Variants in PGAP4 observed in about 807,000 individuals in gnomAD.
PGAP4 encodes the protein post-GPI attachment to proteins GalNAc transferase 4, also known as GPI-N-acetylgalactosamine transferase PGAP4.
A neutral mutation model predicts 28.2 loss-of-function variants in PGAP4; 12 were observed. That is an observed-to-expected ratio of 0.42 (90% CI 0.27 to 0.69). The LOEUF (loss-of-function observed/expected upper bound fraction) is 0.69, where lower values mean the gene tolerates loss of function less well. Among genes scored for constraint, PGAP4 ranks in the 30% least tolerant of loss-of-function variants. PGAP4 has a pLI of 0.22. For synonymous variants in PGAP4, 205 were observed against 211.8 expected (o/e 0.97, Z 0.28); for missense variants, 425 against 513.5 (o/e 0.83, Z 1.67).
intron 2 of PGAP4, among the ~76,000 whole-genome samples, chr9:101,508,509 A>G (rs1826868573): frequency 6.6e-6 from 1 of 152,134 alleles, no homozygotes; most frequent in Non-Finnish European, 1.5e-5. Flanking sequence ...GCTATCAGGG[A>G]GATGCTCTAC....
At position 101,486,652 on chromosome 9, in the gene PGAP4, A is replaced by G. The variant is rs1176180303; in HGVS notation, c.-78+297T>C. 6.6e-5 allele frequency among the ~76,000 whole-genome samples: 10 copies of G among 151,954 alleles called. No homozygotes were observed. Among genetic ancestry groups the G allele is most frequent in the Non-Finnish European group, 1.2e-4 (8 of 67,962 alleles). On this transcript the variant is annotated intron_variant, in intron 1 of 1. Transcript: ENST00000374848. The surrounding 1 kb of genome is among the most constrained non-coding windows in gnomAD (Gnocchi z 4.7). ...GGCAAGGGCCAGGGAGGCGCCCCCGAGACACTCAACCATCCCCGCACTGAT... is the reference window on the plus strand; with the variant it reads ...GGCAAGGGCCAGGGAGGCGCCCCCGGGACACTCAACCATCCCCGCACTGAT...
At chr9:101,511,184 G>T (rs1426632283) in intron 2 of PGAP4, among the ~76,000 whole-genome samples, 1 of 152,124 alleles carries the variant, frequency 6.6e-6, no homozygotes, top group Non-Finnish European at 1.5e-5. Flanking sequence ...CTGACAGGAG[G>T]TAGAGCTCAA....
At chr9:101,482,314 C>T (rs1043993231) in intron 1 of PGAP4, among the ~76,000 whole-genome samples, 4 of 152,136 alleles carry the variant, frequency 2.6e-5, no homozygotes, top group Non-Finnish European at 5.9e-5. Context: ...GGTGTGGTGG[C>T]ACGTGCCTGT....
chr9:101,485,341 T>C (rs1453090329), intron 1 of PGAP4, among the ~76,000 whole-genome samples: 1 of 152,184 alleles, frequency 6.6e-6, no homozygotes, highest in African/African-American at 2.4e-5. Flanking sequence ...TATATTTCGA[T>C]GAGTTTTGTC....
rs763105472 is a variant in PGAP4 at position 101,475,984 on chromosome 9, A to G, written c.1109T>C (p.Leu370Ser). The G allele has an allele frequency of 1.9e-5, 31 of 1,614,182 alleles. No homozygotes were observed. The highest frequency in any genetic ancestry group is 2.6e-5 in the Non-Finnish European group (31 of 1,180,032). ...FGKDMALYSL[L>S]RAKGERAYVV... is the part of the protein sequence containing the mutation. ...ATAGGCCCTCTCTCCCTTGGCCCTC[A>G]ACAGCGAGTACAGTGCCATGTCCTT... Residue 370 changes from leucine (L) to serine (S), a missense_variant, in exon 2 of 2, where the codon TTG (leucine) becomes TCG (serine). Leu to Ser is a moderately radical substitution (Grantham distance 145). Coordinates refer to ENST00000374848, the MANE Select transcript of PGAP4 (RefSeq NM_032342.3).
chr9:101,514,253 C>G (rs1373514421), intron 2 of PGAP4, among the ~76,000 whole-genome samples: 1 of 152,152 alleles, frequency 6.6e-6, no homozygotes, highest in African/African-American at 2.4e-5. Context: ...CTCTTTGCTG[C>G]AATGATTGGA....
chr9:101,499,014 A>T (rs953544188), intron 2 of PGAP4, among the ~76,000 whole-genome samples: 1 of 152,018 alleles, frequency 6.6e-6, no homozygotes, highest in Non-Finnish European at 1.5e-5. Flanking sequence ...ACTAAACTAC[A>T]CATGGAACCC....
intron 2 of PGAP4, among the ~76,000 whole-genome samples, chr9:101,516,076 A>C (rs970292139): frequency 2.6e-5 from 4 of 152,162 alleles, no homozygotes; most frequent in African/African-American, 9.7e-5. Flanking sequence ...TAAAAATCAT[A>C]ATTAAAAAGT....
chr9:101,493,002 C>G (rs1826704711), intron 2 of PGAP4, among the ~76,000 whole-genome samples: 1 of 151,960 alleles, frequency 6.6e-6, no homozygotes, highest in African/African-American at 2.4e-5. Context: ...CACCTGTAAT[C>G]CCAGCACTTT....
intron 2 of PGAP4, among the ~76,000 whole-genome samples, chr9:101,504,489 T>G (rs1826833080): frequency 6.6e-6 from 1 of 152,024 alleles, no homozygotes; most frequent in South Asian, 2.1e-4. Flanking sequence ...AAGTCTACTG[T>G]CTTCCTCATA....
chr9:101,501,702 TG>T, intron 2 of PGAP4: 1 of 519,188 alleles, frequency 1.9e-6, no homozygotes. Context: ...GAGTAGAACT[TG>T]TATAGATCAT....
intron 2 of PGAP4, among the ~76,000 whole-genome samples, chr9:101,523,203 G>T (rs1401846315): frequency 2.0e-5 from 3 of 151,926 alleles, no homozygotes; most frequent in Non-Finnish European, 4.4e-5. Context: ...GACTTGCGAT[G>T]AATTTCCTGA....
chr9:101,520,463 T>C (rs1258465846), intron 2 of PGAP4, among the ~76,000 whole-genome samples: 1 of 152,176 alleles, frequency 6.6e-6, no homozygotes, highest in African/African-American at 2.4e-5. Context: ...TTTATTTTAT[T>C]TTTATTTTTG....
intron 1 of PGAP4, among the ~76,000 whole-genome samples, chr9:101,485,362 G>A (rs971427449): frequency 1.3e-5 from 2 of 151,650 alleles, no homozygotes; most frequent in East Asian, 3.9e-4. Flanking sequence ...AAATTTATAC[G>A]CCCATATAAC....
rs1296917634 is a variant in PGAP4, at chr9:101,486,569, C to G, written c.-78+380G>C. On this transcript the variant is annotated intron_variant, in intron 1 of 1. Transcript: ENST00000374848. This position sits in a 1 kb window ranked among gnomAD's most constrained non-coding sequence, Gnocchi z 4.7. Reference sequence around the variant, plus strand: ...TGCTAGGCTCGGCGAGGGTCTTACCCAGACTGGCACGCGCCCCGCTCGCGT... The same window carrying G: ...TGCTAGGCTCGGCGAGGGTCTTACCGAGACTGGCACGCGCCCCGCTCGCGT... Among the ~76,000 whole-genome samples the G allele has an allele frequency of 6.6e-6, 1 of 152,206 alleles. No homozygotes were observed. The highest frequency in any genetic ancestry group is 2.4e-5 in the African/African-American group (1 of 41,458).
chr9:101,525,624 C>T (rs757050613), intron 2 of PGAP4, among the ~76,000 whole-genome samples: 7 of 146,118 alleles, frequency 4.8e-5, no homozygotes, highest in Non-Finnish European at 1.0e-4. Context: ...GAGAGAATCA[C>T]TTGAACCCGA....
At chr9:101,520,493 T>G (rs1283143663) in intron 2 of PGAP4, among the ~76,000 whole-genome samples, 1 of 152,230 alleles carries the variant, frequency 6.6e-6, no homozygotes, top group Non-Finnish European at 1.5e-5. Flanking sequence ...TAAAAGTGGT[T>G]GAGTCCTTGA....
intron 1 of PGAP4, chr9:101,479,697 G>C (rs1285836025): frequency 2.0e-5 from 3 of 152,206 alleles, no homozygotes; most frequent in Non-Finnish European, 4.4e-5. Flanking sequence ...CTTTGCTGGG[G>C]TGATTAACAG....
At chr9:101,519,155 G>GGTTTT (rs1422447301) in intron 2 of PGAP4, among the ~76,000 whole-genome samples, 1 of 108,714 alleles carries the variant, frequency 9.2e-6, no homozygotes, top group East Asian at 4.7e-4. Context: ...ACTTTTGTTT[G>GGTTTT]GTTTTGTTTT....
Sources: gnomAD v4.1 joint callset for allele counts (sites outside exome capture counted in the v4.1 genomes callset) on GRCh38, gnomAD v4.1.1 for gene constraint, Gnocchi (gnomAD v3.1) non-coding constraint, MANE v1.5 for transcripts, NCBI Gene and HGNC (gene_info 2026-07-23, HGNC 2026-07-21) for gene names.